The following NSUN3 variants were observed in gnomAD, a reference collection of about 807,000 sequenced individuals.
NSUN3 encodes tRNA (cytosine(34)-C(5))-methyltransferase, mitochondrial.
NSUN3 carries 24 observed loss-of-function variants against 36.8 expected under a neutral mutation model. The ratio of observed to expected loss-of-function variants is 0.65; its 90% CI spans 0.47 to 0.92. The LOEUF (loss-of-function observed/expected upper bound fraction) is 0.92, where lower values mean the gene tolerates loss of function less well. NSUN3 is among the 40% of genes least tolerant of loss of function. The pLI is 0.00. For missense variants in NSUN3, 381 were observed against 392.8 expected, an observed-to-expected ratio of 0.97 and a Z score of 0.25; for synonymous variants, 146 against 145.2, an observed-to-expected ratio of 1.01 and a Z score of -0.04.
rs758319727 is a variant in NSUN3 at position 94,126,255 on chromosome 3, C to G, written c.788C>G (p.Ser263Cys). The change falls in exon 6 of 6, where the codon TCT becomes TGT. Residue 263 changes from serine to cysteine, a missense_variant. Ser to Cys is a moderately radical substitution (Grantham distance 112). Transcript: ENST00000314622. ...CGTCCTGGAGGGATACTTGTATACT[C>G]TACATGCACGCTTTCCAAGGCAGAA... is the stretch of plus-strand genomic sequence containing the variant. ...ALRPGGILVY[S>C]TCTLSKAENQ... is the part of the protein sequence containing the mutation. 5.3e-5 allele frequency: 86 copies of G among 1,613,970 alleles called. No homozygotes were observed. In the Admixed American group the frequency reaches 1.2e-3, roughly 23 times the overall value.
intron 5 of NSUN3, among the ~76,000 whole-genome samples, 200 bp downstream of exon 5, chr3:94,095,354 C>T (rs1312912610): frequency 6.6e-6 from 1 of 152,214 alleles, no homozygotes; most frequent in African/African-American, 2.4e-5. Context: ...CCTCCACCCC[C>T]AGTGATGTGT....
rs116036579 is a variant in NSUN3, at chr3:94,090,684, A to G, written c.467-3456A>G. 6.6e-3 allele frequency among the ~76,000 whole-genome samples: 1,004 copies of G among 152,310 alleles called. 13 individuals are homozygous for G. Among genetic ancestry groups the G allele is most frequent in the African/African-American group, 0.022 (924 of 41,562 alleles). Reference sequence around the variant, plus strand: ...ATGTAGGATATAATATTAAACAAAAATTTTTAAATGCATCAATTATCTTTA... The same window carrying G: ...ATGTAGGATATAATATTAAACAAAAGTTTTTAAATGCATCAATTATCTTTA... On this transcript the variant is annotated intron_variant, in intron 3 of 5. Transcript: ENST00000314622.
chr3:94,088,021 T>G (rs1409858872), intron 3 of NSUN3, among the ~76,000 whole-genome samples: 1 of 152,168 alleles, frequency 6.6e-6, no homozygotes, highest in Non-Finnish European at 1.5e-5. Context: ...GACTCCTTTC[T>G]TGGTTTAATT....
chr3:94,077,525 C>G (rs1172612069), intron 2 of NSUN3, among the ~76,000 whole-genome samples: 1 of 152,176 alleles, frequency 6.6e-6, no homozygotes, highest in East Asian at 1.9e-4. Context: ...ACTAGCTCCT[C>G]TTTGTACGTT....
chr3:94,129,369 G>C lies in NSUN3; in HGVS notation c.*2879G>C, dbSNP rs1485923909. ...CTTTTGCAACAACATGGATGCAGCTGGATGCTTTTATCCTAAGCAAATTCA... is the reference window on the plus strand; with the variant it reads ...CTTTTGCAACAACATGGATGCAGCTCGATGCTTTTATCCTAAGCAAATTCA... On this transcript the variant is annotated 3_prime_UTR_variant, in exon 6 of 6. Coordinates refer to ENST00000314622, the MANE Select transcript of NSUN3 (RefSeq NM_022072.5). Among the ~76,000 whole-genome samples, 2 of 152,162 alleles carry C rather than the reference G, an allele frequency of 1.3e-5. No homozygotes were observed. Among genetic ancestry groups the C allele is most frequent in the Non-Finnish European group, 2.9e-5 (2 of 68,028 alleles).
intron 2 of NSUN3, among the ~76,000 whole-genome samples, chr3:94,066,133 T>C (rs1424286049): frequency 6.6e-6 from 1 of 151,670 alleles, no homozygotes; most frequent in Non-Finnish European, 1.5e-5. Flanking sequence ...TATCCTATAA[T>C]GACTTATTTT....
At chr3:94,091,043 G>C (rs949264877) in intron 3 of NSUN3, among the ~76,000 whole-genome samples, 1 of 152,172 alleles carries the variant, frequency 6.6e-6, no homozygotes, top group Admixed American at 6.5e-5. Context: ...TTGGAATAAT[G>C]ATACTGTCCT....
At chr3:94,116,749 T>C (rs968862743) in intron 5 of NSUN3, among the ~76,000 whole-genome samples, 1 of 152,174 alleles carries the variant, frequency 6.6e-6, no homozygotes, top group Non-Finnish European at 1.5e-5. Context: ...TAATGGCAGA[T>C]GTGTTTCAGA....
chr3:94,088,861 G>T (rs1325925507), intron 3 of NSUN3, among the ~76,000 whole-genome samples: 1 of 151,950 alleles, frequency 6.6e-6, no homozygotes, highest in Non-Finnish European at 1.5e-5. Flanking sequence ...TAGAAATGGG[G>T]TTTCACCACG....
chr3:94,112,867 A>G (rs2077423530), intron 5 of NSUN3, among the ~76,000 whole-genome samples: 2 of 152,078 alleles, frequency 1.3e-5, no homozygotes, highest in Non-Finnish European at 2.9e-5. Flanking sequence ...GAGAATAACA[A>G]AACTCTTTTT....
At chr3:94,064,145 C>A in intron 1 of NSUN3, 1 of 343,946 alleles carries the variant, frequency 2.9e-6, no homozygotes, top group South Asian at 2.8e-5. Flanking sequence ...CCTGCCTAGC[C>A]CCTACAGTGA....
intron 4 of NSUN3, 29 bp from the exon 5 acceptor site, chr3:94,095,004 T>C: frequency 6.2e-7 from 1 of 1,612,238 alleles, no homozygotes; most frequent in South Asian, 1.1e-5. Flanking sequence ...TCAGTGCATA[T>C]TTGCATCACT....
rs2077493863 is a variant in NSUN3, at chr3:94,127,854, G to A, written c.*1364G>A. 1 of 152,050 alleles carries A rather than the reference G, an allele frequency of 6.6e-6. No individual in the cohort carries two copies. The allele number at this position is 152,050 out of a possible 1,614,324, so 9.4% of individuals were successfully genotyped here. On this transcript the variant is annotated 3_prime_UTR_variant, in exon 6 of 6. Coordinates refer to ENST00000314622, the MANE Select transcript of NSUN3 (RefSeq NM_022072.5). ...CGGTTTATATCATCAGGAAGTCTTA[G>A]GAAGAATTTTTTTTTCTGTACCTTC...
rs199575234 is a variant in NSUN3 at position 94,129,901 on chromosome 3, C to T, written c.*3411C>T. ...CCAAGTAACTGAGATCACAGGCACC[C>T]GCCACCATGCTTGGCTAATTTTTTT... On this transcript the variant is annotated 3_prime_UTR_variant, in exon 6 of 6. Coordinates refer to ENST00000314622, the MANE Select transcript of NSUN3 (RefSeq NM_022072.5). Among the ~76,000 whole-genome samples, 12 of 151,548 alleles carry T rather than the reference C, an allele frequency of 7.9e-5. No homozygotes were observed. The East Asian group carries it at 2.3e-3, about 30-fold the overall frequency.
At chr3:94,080,409 G>C (rs2077262547) in intron 2 of NSUN3, among the ~76,000 whole-genome samples, 1 of 152,204 alleles carries the variant, frequency 6.6e-6, no homozygotes, top group Admixed American at 6.5e-5. Flanking sequence ...TGAGGAGGCA[G>C]TCTGACCCTT....
chr3:94,085,317 A>G (rs932611055), intron 3 of NSUN3: 1 of 152,144 alleles, frequency 6.6e-6, no homozygotes, highest in Non-Finnish European at 1.5e-5. Context: ...TTTTAAAGCT[A>G]ATTCTTTTTT....
chr3:94,109,402 T>C (rs2077406774), intron 5 of NSUN3, among the ~76,000 whole-genome samples: 1 of 152,138 alleles, frequency 6.6e-6, no homozygotes, highest in Non-Finnish European at 1.5e-5. Context: ...CAGAGTAAAA[T>C]CTCCACAAAT....
In NSUN3 at chr3:94,107,306, GTTGT is replaced by G. The variant is rs553215639; in HGVS notation, c.743+12159_743+12162del. On this transcript the variant is annotated intron_variant, in intron 5 of 5. Transcript: ENST00000314622. ...TTGTTGTTGTTTTGTTTTTGTTGTT[GTTGT>G]TTGTTTTGAGGTGGAGTCTCACTCT... 1.2e-3 allele frequency among the ~76,000 whole-genome samples: 176 copies of G among 152,136 alleles called. 1 individual carries two copies. Among genetic ancestry groups the G allele is most frequent in the African/African-American group, 3.9e-3 (161 of 41,520 alleles).
chr3:94,093,319 A>G (rs1347261340), intron 3 of NSUN3, among the ~76,000 whole-genome samples: 1 of 148,762 alleles, frequency 6.7e-6, no homozygotes, highest in Non-Finnish European at 1.5e-5. Context: ...ACATATACAC[A>G]TACATATACA....
Sources: allele counts gnomAD v4.1 joint callset (sites outside exome capture counted in the v4.1 genomes callset), GRCh38; gene constraint gnomAD v4.1.1; transcripts MANE v1.5; gene names NCBI Gene and HGNC (gene_info 2026-07-23, HGNC 2026-07-21).